The following KANK4 variants were observed in gnomAD, a reference collection of about 807,000 sequenced individuals.
KANK4 encodes KN motif and ankyrin repeat domains 4.
Under a neutral mutation model 80.8 loss-of-function variants are expected in KANK4, and 50 were observed. That is an observed-to-expected ratio of 0.62 (90% CI 0.49 to 0.78). The LOEUF (loss-of-function observed/expected upper bound fraction) is 0.78, where lower values mean the gene tolerates loss of function less well. KANK4 is among the 30% of genes least tolerant of loss of function. The pLI is 0.00. For missense variants in KANK4, 1,196 were observed against 1,240.1 expected, an observed-to-expected ratio of 0.96 and a Z score of 0.53; for synonymous variants, 465 against 506.9, an observed-to-expected ratio of 0.92 and a Z score of 1.11.
intron 2 of KANK4, among the ~76,000 whole-genome samples, chr1:62,280,075 G>A (rs115766028): frequency 0.011 from 1,736 of 152,244 alleles, 39 homozygotes; most frequent in African/African-American, 0.04. Context: ...ACCAACCAGA[G>A]GCATTTAGAG....
chr1:62,242,302 C>T (rs1570954834), intron 9 of KANK4, among the ~76,000 whole-genome samples: 2 of 124,702 alleles, frequency 1.6e-5, no homozygotes, highest in East Asian at 2.6e-4. Context: ...GTCAAGGTTG[C>T]AATAAGCCAT....
Position 62,264,183 on chromosome 1 carries a change from C to T in KANK4, c.2320-872G>A, listed in dbSNP as rs547705132. ...CTGTAATCCCAACACTTTGGGAGGC[C>T]GAGGCGGGTATATCACCTGAGGTTG... On this transcript the variant is annotated intron_variant, in intron 6 of 9. Coordinates refer to ENST00000371153, the MANE Select transcript of KANK4 (RefSeq NM_181712.5). Among the ~76,000 whole-genome samples the T allele has an allele frequency of 7.2e-5, 11 of 152,238 alleles. No individual in the cohort carries two copies. In the South Asian group the frequency reaches 1.4e-3, roughly 20 times the overall value.
chr1:62,271,368 C>G (rs1327084171), intron 4 of KANK4, 110 bp downstream of exon 4: 1 of 775,220 alleles, frequency 1.3e-6, no homozygotes, highest in African/African-American at 1.7e-5. Context: ...AATTAATTCC[C>G]TTGAAGAGGA....
At chr1:62,310,131 A>G (rs1644486291) in intron 1 of KANK4, among the ~76,000 whole-genome samples, 1 of 152,178 alleles carries the variant, frequency 6.6e-6, no homozygotes, top group South Asian at 2.1e-4. Context: ...CAGTCACTTA[A>G]CCACGTGGAA....
chr1:62,290,091 T>C (rs1179382074), intron 1 of KANK4, among the ~76,000 whole-genome samples: 2 of 152,244 alleles, frequency 1.3e-5, no homozygotes, highest in African/African-American at 4.8e-5. Context: ...AATACATTGG[T>C]TATTTTTAAT....
intron 1 of KANK4, among the ~76,000 whole-genome samples, chr1:62,301,215 G>A (rs79256191): frequency 2.6e-5 from 4 of 152,010 alleles, no homozygotes; most frequent in Non-Finnish European, 5.9e-5. Context: ...TGCAATTACC[G>A]AGTTCAACTC....
At chr1:62,301,821 C>T (rs1342814336) in intron 1 of KANK4, among the ~76,000 whole-genome samples, 1 of 152,046 alleles carries the variant, frequency 6.6e-6, no homozygotes, top group African/African-American at 2.4e-5. Flanking sequence ...AGGAAGAAAG[C>T]ACTTGGCACC....
chr1:62,268,531 G>A (rs922518363), intron 4 of KANK4, 26 bp from the exon 5 acceptor site: 14 of 1,593,260 alleles, frequency 8.8e-6, no homozygotes, highest in South Asian at 1.1e-5. Flanking sequence ...AAGGTCACTC[G>A]TCCTGTCTTT....
intron 1 of KANK4, among the ~76,000 whole-genome samples, chr1:62,283,938 CT>C: frequency 6.6e-6 from 1 of 152,292 alleles, no homozygotes; most frequent in South Asian, 2.1e-4. Flanking sequence ...ACTTGGATTT[CT>C]CTTAGACTTG....
Position 62,271,467 on chromosome 1 carries a change from G to A in KANK4, c.2012+11C>T, listed in dbSNP as rs748114804. On this transcript the variant is annotated intron_variant, in intron 4 of 9. Coordinates refer to ENST00000371153, the MANE Select transcript of KANK4 (RefSeq NM_181712.5). ...AAGAAAGGCAGTCTGAGCTTCACAA[G>A]CGATGCTTACCCACCGTTAACCCCA... 10 of 1,571,542 alleles carry A rather than the reference G, an allele frequency of 6.4e-6. No individual in the cohort carries two copies. Among genetic ancestry groups the A allele is most frequent in the Non-Finnish European group, 7.9e-6 (9 of 1,141,500 alleles).
intron 2 of KANK4, among the ~76,000 whole-genome samples, chr1:62,278,090 C>A (rs751459160): frequency 1.3e-5 from 2 of 152,046 alleles, no homozygotes; most frequent in African/African-American, 2.4e-5. Context: ...TGACTTTACG[C>A]TCTAGGTCAT....
intron 1 of KANK4, among the ~76,000 whole-genome samples, chr1:62,305,304 T>C (rs1644441830): frequency 7.4e-6 from 1 of 135,448 alleles, no homozygotes; most frequent in Non-Finnish European, 1.6e-5. Context: ...GATGAATTGC[T>C]TGAGATTTTT....
chr1:62,295,443 C>T (rs1334779949), intron 1 of KANK4, among the ~76,000 whole-genome samples: 2 of 152,222 alleles, frequency 1.3e-5, no homozygotes, highest in African/African-American at 2.4e-5. Flanking sequence ...CAGGGGTGAG[C>T]CACTGCACCT....
intron 7 of KANK4, among the ~76,000 whole-genome samples, chr1:62,255,648 GTTTATTTA>G (rs989418937): frequency 2.0e-5 from 3 of 151,974 alleles, no homozygotes; most frequent in African/African-American, 7.3e-5. Flanking sequence ...AATTTATTGA[GTTTATTTA>G]TTTATTTATT....
At chr1:62,246,197 T>C (rs1309896769) in intron 9 of KANK4, among the ~76,000 whole-genome samples, 2 of 152,150 alleles carry the variant, frequency 1.3e-5, no homozygotes, top group Non-Finnish European at 2.9e-5. Context: ...TTGTTACTGA[T>C]TAGTTACTAT....
chr1:62,240,644 G>T lies in KANK4; in HGVS notation c.2884-2263C>A, dbSNP rs566639934. Among the ~76,000 whole-genome samples the T allele has an allele frequency of 3.3e-5, 5 of 152,166 alleles. No individual in the cohort carries two copies. The East Asian group carries it at 9.7e-4, about 29-fold the overall frequency. ...AGATTGCGCCATTGCACTCCAGCCT[G>T]GGCAACAGGAGTGAAACTCCATCTC... On this transcript the variant is annotated intron_variant, in intron 9 of 9. Coordinates refer to ENST00000371153, the MANE Select transcript of KANK4 (RefSeq NM_181712.5).
intron 9 of KANK4, among the ~76,000 whole-genome samples, chr1:62,241,625 G>T (rs1403862850): frequency 2.0e-5 from 3 of 152,196 alleles, no homozygotes; most frequent in Non-Finnish European, 2.9e-5. Flanking sequence ...TGCTGCACAA[G>T]AACCTAACGG....
chr1:62,302,205 T>A (rs1360146553), intron 1 of KANK4, among the ~76,000 whole-genome samples: 2 of 151,912 alleles, frequency 1.3e-5, no homozygotes, highest in East Asian at 3.9e-4. Flanking sequence ...CCAGTGCAAT[T>A]CAGGAGAGAA....
chr1:62,299,497 T>C (rs1488215522), intron 1 of KANK4, among the ~76,000 whole-genome samples: 1 of 151,976 alleles, frequency 6.6e-6, no homozygotes, highest in Non-Finnish European at 1.5e-5. Context: ...AGGTAGAGAA[T>C]GGGCAGCAGC....
Sources: allele counts gnomAD v4.1 joint callset (sites outside exome capture counted in the v4.1 genomes callset), GRCh38; gene constraint gnomAD v4.1.1; transcripts MANE v1.5; gene names NCBI Gene and HGNC (gene_info 2026-07-23, HGNC 2026-07-21).